FAM81B: variants seen among roughly 807,000 people sequenced by gnomAD.
The protein encoded by FAM81B is protein FAM81B.
A neutral mutation model predicts 58.7 loss-of-function variants in FAM81B; 60 were observed. The observed-to-expected ratio is 1.02, with a 90% CI of 0.83 to 1.27. The LOEUF (loss-of-function observed/expected upper bound fraction) is 1.27. Among genes scored for constraint, FAM81B ranks in the 50% most tolerant of loss-of-function variants. The pLI is 0.00. For missense variants in FAM81B, 491 were observed against 522.0 expected (o/e 0.94, Z 0.58); for synonymous variants, 189 against 179.6 (o/e 1.05, Z -0.42).
intron 4 of FAM81B, among the ~76,000 whole-genome samples, chr5:95,415,425 T>A (rs1762514899): frequency 6.6e-6 from 1 of 152,208 alleles, no homozygotes; most frequent in African/African-American, 2.4e-5. Flanking sequence ...ATCTGCAGGG[T>A]TTAACAGACC....
At chr5:95,426,411 T>C (rs1762831389) in intron 5 of FAM81B, among the ~76,000 whole-genome samples, 1 of 151,920 alleles carries the variant, frequency 6.6e-6, no homozygotes, top group South Asian at 2.1e-4. Flanking sequence ...TAGTGGGTGG[T>C]GGTTAGGGGA....
intron 7 of FAM81B, among the ~76,000 whole-genome samples, chr5:95,441,339 G>A (rs947172446): frequency 2.6e-5 from 4 of 152,118 alleles, no homozygotes; most frequent in Non-Finnish European, 5.9e-5. Context: ...GGGAGGCCAA[G>A]GCGGGCAGAT....
At chr5:95,437,410 T>C (rs1271053055) in intron 7 of FAM81B, among the ~76,000 whole-genome samples, 2 of 152,184 alleles carry the variant, frequency 1.3e-5, no homozygotes, top group African/African-American at 4.8e-5. Flanking sequence ...CAGTGGCGCG[T>C]CTCTGCTTAC....
chr5:95,399,313 T>C (rs1173335955), intron 3 of FAM81B, among the ~76,000 whole-genome samples: 2 of 152,250 alleles, frequency 1.3e-5, no homozygotes, highest in African/African-American at 4.8e-5. Context: ...CCGTGATGCA[T>C]TGCTTTTGTT....
Position 95,418,824 on chromosome 5 carries a change from A to AT in FAM81B, c.538-1453dup, listed in dbSNP as rs544950260. On this transcript the variant is annotated intron_variant, in intron 4 of 9. Transcript: ENST00000283357. ...TTAATTTAAAAAATATTTTAGATCT[A>AT]TTTTTTTCTGAAATCTATAATGATA... 7.9e-5 allele frequency among the ~76,000 whole-genome samples: 12 copies of AT among 152,040 alleles called. No homozygotes were observed. The South Asian group carries it at 1.7e-3, about 21-fold the overall frequency.
intron 3 of FAM81B, among the ~76,000 whole-genome samples, chr5:95,401,275 G>A (rs139831905): frequency 5.9e-5 from 9 of 152,202 alleles, no homozygotes; most frequent in Non-Finnish European, 1.2e-4. Flanking sequence ...CTTCTGGACC[G>A]TGCCACTATA....
chr5:95,404,508 A>G (rs991637184), intron 3 of FAM81B, among the ~76,000 whole-genome samples: 4 of 152,082 alleles, frequency 2.6e-5, no homozygotes, highest in Non-Finnish European at 5.9e-5. Flanking sequence ...ATTTGAAAAA[A>G]AAAAAAGAAA....
intron 3 of FAM81B, among the ~76,000 whole-genome samples, chr5:95,405,766 C>T (rs1232648686): frequency 2.0e-5 from 3 of 152,116 alleles, no homozygotes; most frequent in African/African-American, 7.2e-5. Flanking sequence ...GTGGATGAGC[C>T]CCAGGCACCA....
At chr5:95,418,451 A>G (rs530425294) in intron 4 of FAM81B, among the ~76,000 whole-genome samples, 4 of 152,338 alleles carry the variant, frequency 2.6e-5, no homozygotes, top group East Asian at 3.9e-4. Flanking sequence ...CAAATCTTCT[A>G]TCCATGAAAT....
At chr5:95,440,847 A>AG (rs1745310213) in intron 7 of FAM81B, among the ~76,000 whole-genome samples, 1 of 152,156 alleles carries the variant, frequency 6.6e-6, no homozygotes, top group Non-Finnish European at 1.5e-5. Context: ...TTAGGAAAGT[A>AG]GGGGAAAAAA....
intron 1 of FAM81B, 150 bp downstream of exon 1, chr5:95,391,663 G>GA (rs34118099): frequency 0.31 from 216,524 of 692,022 alleles, 33,051 homozygotes; most frequent in Admixed American, 0.39. Context: ...AAATGTACAA[G>GA]AAAAAAAAAC....
chr5:95,407,412 A>ACG (rs761843871), intron 3 of FAM81B, among the ~76,000 whole-genome samples: 3,426 of 145,206 alleles, frequency 0.024, 65 homozygotes, highest in Non-Finnish European at 0.036. Context: ...ACACACACGC[A>ACG]CACACACACG....
At chr5:95,433,293 C>A (rs148638732) in intron 6 of FAM81B, among the ~76,000 whole-genome samples, 4 of 152,066 alleles carry the variant, frequency 2.6e-5, no homozygotes, top group African/African-American at 9.6e-5. Flanking sequence ...TGGTGGCAGG[C>A]AAGAGAAGTG....
At chr5:95,394,349 T>C (rs564697753) in intron 2 of FAM81B, among the ~76,000 whole-genome samples, 6 of 152,286 alleles carry the variant, frequency 3.9e-5, no homozygotes, top group Admixed American at 3.3e-4. Flanking sequence ...TACACTTTAA[T>C]TCCACAAATA....
chr5:95,396,584 G>C (rs149688236), intron 3 of FAM81B: 66 of 156,356 alleles, frequency 4.2e-4, no homozygotes, highest in East Asian at 1.5e-3. Flanking sequence ...ACTAGAAGAT[G>C]TTGTTTCTGC....
intron 7 of FAM81B, among the ~76,000 whole-genome samples, chr5:95,444,501 A>G (rs1042313057): frequency 1.3e-5 from 2 of 152,144 alleles, no homozygotes; most frequent in Non-Finnish European, 2.9e-5. Context: ...CAGATAGAGA[A>G]AATAATTGGC....
intron 7 of FAM81B, chr5:95,440,242 A>G: frequency 4.3e-6 from 3 of 703,766 alleles, no homozygotes; most frequent in Non-Finnish European, 7.9e-6. Context: ...AGGCTTGAAT[A>G]TGGAGATAAT....
At chr5:95,442,704 G>T (rs1039354934) in intron 7 of FAM81B, among the ~76,000 whole-genome samples, 1 of 152,138 alleles carries the variant, frequency 6.6e-6, no homozygotes, top group Admixed American at 6.5e-5. Context: ...CTATCAGAGT[G>T]GAGGCAGAAT....
chr5:95,405,886 T>C (rs957251666), intron 3 of FAM81B, among the ~76,000 whole-genome samples: 3 of 152,168 alleles, frequency 2.0e-5, no homozygotes, highest in African/African-American at 7.2e-5. Context: ...CCTGTGGACA[T>C]TTAGAAGTGA....
Sources: gnomAD v4.1 joint callset for allele counts (sites outside exome capture counted in the v4.1 genomes callset) on GRCh38, gnomAD v4.1.1 for gene constraint, MANE v1.5 for transcripts, NCBI Gene and HGNC (gene_info 2026-07-23, HGNC 2026-07-21) for gene names.